EBF1: variants seen among roughly 807,000 people sequenced by gnomAD.
The protein encoded by EBF1 is EBF transcription factor 1.
In EBF1, 10 loss-of-function variants were observed where a neutral mutation model predicts 68.4. That is an observed-to-expected ratio of 0.15 (90% confidence interval 0.09 to 0.25). The LOEUF (loss-of-function observed/expected upper bound fraction) is 0.25. EBF1 is among the 10% of genes least tolerant of loss of function. EBF1 has a pLI of 1.00. For synonymous variants in EBF1, 298 were observed against 299.8 expected, an observed-to-expected ratio of 0.99 and a Z score of 0.06; for missense variants, 509 against 794.4, an observed-to-expected ratio of 0.64 and a Z score of 4.32.
intron 6 of EBF1, among the ~76,000 whole-genome samples, chr5:158,970,895 T>C (rs1583566827): frequency 6.6e-6 from 1 of 152,326 alleles, no homozygotes; most frequent in African/African-American, 2.4e-5. Context: ...GGAGGAGTCA[T>C]AGCACTGAGA....
intron 6 of EBF1, among the ~76,000 whole-genome samples, chr5:159,038,604 TA>T (rs1770572595): frequency 6.6e-6 from 1 of 152,200 alleles, no homozygotes; most frequent in African/African-American, 2.4e-5. Flanking sequence ...GGCCAGTGGG[TA>T]GCTGATAGAG....
intron 11 of EBF1, among the ~76,000 whole-genome samples, chr5:158,715,401 C>T (rs1279636332): frequency 6.6e-6 from 1 of 152,150 alleles, no homozygotes; most frequent in African/African-American, 2.4e-5. Context: ...CTTGAAATGA[C>T]AAGCTTTTAG....
intron 8 of EBF1, among the ~76,000 whole-genome samples, chr5:158,811,169 T>A (rs1782581192): frequency 6.6e-6 from 1 of 152,192 alleles, no homozygotes; most frequent in South Asian, 2.1e-4. Flanking sequence ...TGCCTGATAG[T>A]GTGACGTGAT....
chr5:158,874,904 G>A (rs1320793179), intron 6 of EBF1, among the ~76,000 whole-genome samples: 2 of 152,142 alleles, frequency 1.3e-5, no homozygotes, highest in Non-Finnish European at 2.9e-5. Context: ...CAGTAAATGA[G>A]ACTATGTGAA....
intron 6 of EBF1, among the ~76,000 whole-genome samples, chr5:158,996,501 G>T (rs1761445055): frequency 6.6e-6 from 1 of 152,176 alleles, no homozygotes; most frequent in South Asian, 2.1e-4. Context: ...TTTGGTTTCT[G>T]AAAGTAACTT....
intron 6 of EBF1, among the ~76,000 whole-genome samples, chr5:158,996,899 G>A (rs144541441): frequency 2.6e-5 from 4 of 152,246 alleles, no homozygotes; most frequent in East Asian, 3.9e-4. Flanking sequence ...AGCCAACTTC[G>A]ATTGTAGAAT....
At chr5:158,920,153 ATGTG>A (rs139876400) in intron 6 of EBF1, among the ~76,000 whole-genome samples, 2 of 151,140 alleles carry the variant, frequency 1.3e-5, no homozygotes, top group Non-Finnish European at 1.5e-5. Flanking sequence ...TTATATACAT[ATGTG>A]TGTGTGTGTG....
intron 6 of EBF1, among the ~76,000 whole-genome samples, chr5:158,992,685 T>C (rs1214012654): frequency 6.6e-6 from 1 of 152,204 alleles, no homozygotes; most frequent in Non-Finnish European, 1.5e-5. Flanking sequence ...AATTGTTTTT[T>C]TTGGACAGAT....
At chr5:159,075,328 C>T (rs931481137) in intron 5 of EBF1, among the ~76,000 whole-genome samples, 4 of 152,180 alleles carry the variant, frequency 2.6e-5, no homozygotes, top group African/African-American at 9.7e-5. Context: ...GCAAATCTGC[C>T]CTGTGCTCTG....
intron 6 of EBF1, among the ~76,000 whole-genome samples, chr5:159,021,062 G>A (rs1265340663): frequency 6.6e-6 from 1 of 152,112 alleles, no homozygotes; most frequent in Non-Finnish European, 1.5e-5. Context: ...GACAATACTG[G>A]AGTTATTAAT....
At chr5:159,091,632 G>C (rs1781663319) in intron 4 of EBF1, among the ~76,000 whole-genome samples, 1 of 152,092 alleles carries the variant, frequency 6.6e-6, no homozygotes. Flanking sequence ...TGAACTGAAA[G>C]GGTTGTTAAT....
chr5:158,935,351 CA>C (rs1811772053), intron 6 of EBF1, among the ~76,000 whole-genome samples: 2 of 152,182 alleles, frequency 1.3e-5, no homozygotes, highest in African/African-American at 4.8e-5. Flanking sequence ...TCCGGAGACG[CA>C]AATGTGCTGC....
chr5:158,719,545 T>C (rs376141631), intron 11 of EBF1, among the ~76,000 whole-genome samples: 1 of 152,168 alleles, frequency 6.6e-6, no homozygotes, highest in Admixed American at 6.5e-5. Flanking sequence ...CTGAAATCTA[T>C]AGCTAATAAG....
chr5:158,748,467 A>T (rs1452486616), intron 10 of EBF1, among the ~76,000 whole-genome samples: 2 of 152,182 alleles, frequency 1.3e-5, no homozygotes, highest in African/African-American at 4.8e-5. Context: ...CTTTTAACTG[A>T]AAAACCAATC....
At position 159,076,914 on chromosome 5, in the gene EBF1, A is replaced by G. The variant is rs77986383; in HGVS notation, c.486-3450T>C. On this transcript the variant is annotated intron_variant, in intron 5 of 15. Transcript: ENST00000313708. ...TATGGAATTCTGTGCAGCATTAAAAAGAATGAAGGTAGAGTTAGAAGCACT... is the reference window on the plus strand; with the variant it reads ...TATGGAATTCTGTGCAGCATTAAAAGGAATGAAGGTAGAGTTAGAAGCACT... Among the ~76,000 whole-genome samples, 10 of 152,370 alleles carry G rather than the reference A, an allele frequency of 6.6e-5. No homozygotes were observed. In the East Asian group the frequency reaches 1.7e-3, roughly 26 times the overall value.
At chr5:158,798,896 C>A (rs1310642618) in intron 8 of EBF1, among the ~76,000 whole-genome samples, 5 of 152,110 alleles carry the variant, frequency 3.3e-5, no homozygotes, top group African/African-American at 1.2e-4. Flanking sequence ...CACTCAGCAC[C>A]ATCCACCATC....
At chr5:158,956,356 C>A (rs971260069) in intron 6 of EBF1, among the ~76,000 whole-genome samples, 1 of 151,946 alleles carries the variant, frequency 6.6e-6, no homozygotes, top group African/African-American at 2.4e-5. Flanking sequence ...CATTTGTAAC[C>A]ATTAAAAGAA....
At chr5:158,779,729 A>G (rs914318075) in intron 9 of EBF1, among the ~76,000 whole-genome samples, 1 of 152,158 alleles carries the variant, frequency 6.6e-6, no homozygotes, top group African/African-American at 2.4e-5. Flanking sequence ...ATGGATGAAG[A>G]TTCTTTTTAA....
chr5:158,712,435 G>A (rs971810592), intron 13 of EBF1, 102 bp from the exon 14 acceptor site: 6 of 1,325,080 alleles, frequency 4.5e-6, no homozygotes, highest in African/African-American at 2.9e-5. Context: ...CCCCGTCGCC[G>A]CAACCCAGAG....
Sources: gnomAD v4.1 joint callset for allele counts (sites outside exome capture counted in the v4.1 genomes callset) on GRCh38, gnomAD v4.1.1 for gene constraint, MANE v1.5 for transcripts, NCBI Gene and HGNC (gene_info 2026-07-23, HGNC 2026-07-21) for gene names.